The following FAM149B1 variants were observed in gnomAD, a reference collection of about 807,000 sequenced individuals.
The protein encoded by FAM149B1 is primary cilium assembly protein FAM149B1.
FAM149B1 carries 56 observed loss-of-function variants against 75.3 expected under a neutral mutation model. That is an observed-to-expected ratio of 0.74 (90% confidence interval 0.60 to 0.93). The LOEUF is 0.93. Ranked by LOEUF, FAM149B1 falls within the 40% of genes least tolerant of loss-of-function variation. FAM149B1 has a pLI of 0.00. For missense variants in FAM149B1, 639 were observed against 708.4 expected (o/e 0.90, Z 1.11); for synonymous variants, 259 against 256.1 (o/e 1.01, Z -0.11).
chr10:73,173,201 C>T (rs1843789675), intron 1 of FAM149B1, among the ~76,000 whole-genome samples: 2 of 151,956 alleles, frequency 1.3e-5, no homozygotes, highest in African/African-American at 4.8e-5. Flanking sequence ...AAAATAGTAC[C>T]AAGAATCCCA....
chr10:73,225,265 A>T (rs1052850881), intron 7 of FAM149B1, among the ~76,000 whole-genome samples: 1 of 152,236 alleles, frequency 6.6e-6, no homozygotes. Context: ...GAGGTATTCC[A>T]GAAGAAGGCA....
chr10:73,194,118 C>T (rs150152259), intron 5 of FAM149B1, among the ~76,000 whole-genome samples: 1 of 152,228 alleles, frequency 6.6e-6, no homozygotes, highest in East Asian at 1.9e-4. Flanking sequence ...GATCCAATTA[C>T]CCCTTAAAGG....
At chr10:73,172,769 C>T (rs183003451) in intron 1 of FAM149B1, among the ~76,000 whole-genome samples, 219 of 152,058 alleles carry the variant, frequency 1.4e-3, no homozygotes, top group Non-Finnish European at 2.7e-3. Context: ...ATATAAGCCA[C>T]ATATGTAATT....
chr10:73,213,985 A>G (rs563768662), intron 7 of FAM149B1, among the ~76,000 whole-genome samples: 27 of 152,238 alleles, frequency 1.8e-4, no homozygotes, highest in African/African-American at 6.3e-4. Flanking sequence ...TGTATCATCT[A>G]TGAATTCTTT....
chr10:73,192,985 T>C (rs1334317414), intron 4 of FAM149B1, among the ~76,000 whole-genome samples: 3 of 152,300 alleles, frequency 2.0e-5, no homozygotes, highest in East Asian at 3.9e-4. Flanking sequence ...TTGAACAAGA[T>C]GGTCAGAAAA....
rs59418464 is a variant in FAM149B1 at position 73,226,099 on chromosome 10, ATTT to A, written c.899-1945_899-1943del. 5.5e-3 allele frequency among the ~76,000 whole-genome samples: 791 copies of A among 143,186 alleles called. 5 individuals carry two copies. Among genetic ancestry groups the A allele is most frequent in the African/African-American group, 0.018 (689 of 38,868 alleles). 93.9% of individuals were successfully genotyped at this position (143,186 alleles called of 152,430 possible). Reference sequence around the variant, plus strand: ...AAGTCATGTGTATTTTACCACAATAATTTTTTTTTTTTTTTTTTAAGTAGCAGG... The same window carrying A: ...AAGTCATGTGTATTTTACCACAATAATTTTTTTTTTTTTTTAAGTAGCAGG... On this transcript the variant is annotated intron_variant, in intron 7 of 13. Coordinates refer to ENST00000242505, the MANE Select transcript of FAM149B1 (RefSeq NM_173348.2).
At chr10:73,221,516 T>A (rs1403133160) in intron 7 of FAM149B1, among the ~76,000 whole-genome samples, 1 of 152,192 alleles carries the variant, frequency 6.6e-6, no homozygotes, top group African/African-American at 2.4e-5. Context: ...TTTGTTGTCA[T>A]CCTTATCTTT....
chr10:73,178,975 G>T (rs2394933), intron 3 of FAM149B1, among the ~76,000 whole-genome samples: 23,196 of 150,456 alleles, frequency 0.15, 2,984 homozygotes, highest in African/African-American at 0.33. Context: ...CTTGTTTTTT[G>T]TTTTTTTTGG....
chr10:73,193,458 G>T lies in FAM149B1; in HGVS notation c.426-19G>T, dbSNP rs1197135617. ...CCAGTGAAGGTACTTAATTGTGTCT[G>T]TGTTTCTTCATTTTGAAGGATTCTA... On this transcript the variant is annotated intron_variant, in intron 4 of 13. Transcript: ENST00000242505. 2 of 1,542,930 alleles carry T rather than the reference G, an allele frequency of 1.3e-6. No homozygotes were observed. Among genetic ancestry groups the T allele is most frequent in the African/African-American group, 2.8e-5 (2 of 72,632 alleles).
chr10:73,214,671 A>C (rs2043257856), intron 7 of FAM149B1, among the ~76,000 whole-genome samples: 1 of 152,152 alleles, frequency 6.6e-6, no homozygotes, highest in African/African-American at 2.4e-5. Context: ...ATGTTGTATT[A>C]TCTTTTTGAT....
chr10:73,182,546 A>G (rs2042424095), intron 3 of FAM149B1, among the ~76,000 whole-genome samples: 1 of 152,198 alleles, frequency 6.6e-6, no homozygotes, highest in African/African-American at 2.4e-5. Context: ...AAAGCAACAC[A>G]GCTTCTGGCT....
In FAM149B1 at chr10:73,234,943, A is replaced by G; in HGVS notation, c.1476+3A>G. On this transcript the variant is annotated splice_donor_region_variant and intron_variant, in intron 11 of 13. Transcript: ENST00000242505. The stretch of plus-strand genomic sequence containing the variant: ...CTGTGGGGCCACAAAGACAGATGGT[A>G]TGTTTCTTTCATATTGCCTCTCCAT... 1 of 1,551,886 alleles carries G rather than the reference A, an allele frequency of 6.4e-7. No homozygotes were observed. The highest frequency in any genetic ancestry group is 1.2e-5 in the South Asian group (1 of 84,046).
rs895521919 is a variant in FAM149B1 at position 73,242,310 on chromosome 10, A to C, written c.*1291A>C. On this transcript the variant is annotated 3_prime_UTR_variant, in exon 14 of 14. Coordinates refer to ENST00000242505, the MANE Select transcript of FAM149B1 (RefSeq NM_173348.2). ...TCCCTTAAAAATTCCATATATTCTCATACCAACTCATCTACATAGAAATGA... is the reference window on the plus strand; with the variant it reads ...TCCCTTAAAAATTCCATATATTCTCCTACCAACTCATCTACATAGAAATGA... 6.6e-6 allele frequency: 1 copy of C among 152,198 alleles called. No individual in the cohort carries two copies. The highest frequency in any genetic ancestry group is 2.4e-5 in the African/African-American group (1 of 41,448). The allele number at this position is 152,198 out of a possible 1,614,324, so 9.4% of individuals were successfully genotyped here. A position where few individuals can be genotyped will look rare whatever the true frequency, so the allele number is the denominator to read the frequency against.
At chr10:73,230,264 TG>T in intron 8 of FAM149B1, 157 bp from the exon 9 acceptor site, 1 of 550,544 alleles carries the variant, frequency 1.8e-6, no homozygotes, top group East Asian at 3.1e-5. Flanking sequence ...ACAGTTGACT[TG>T]GGGCCCCAGC....
chr10:73,221,249 T>G (rs2133384420), intron 7 of FAM149B1, among the ~76,000 whole-genome samples: 1 of 152,340 alleles, frequency 6.6e-6, no homozygotes, highest in South Asian at 2.1e-4. Flanking sequence ...TTAAAATGGT[T>G]AAAATGATGA....
In FAM149B1 at chr10:73,243,376, G is replaced by C; in HGVS notation, c.*2357G>C. ...TACGATGGCATCAATTTACACCTAAGGACCTTTGAAGAGAAAAATTCCATT... is the reference window on the plus strand; with the variant it reads ...TACGATGGCATCAATTTACACCTAACGACCTTTGAAGAGAAAAATTCCATT... On this transcript the variant is annotated 3_prime_UTR_variant, in exon 14 of 14. Coordinates refer to ENST00000242505, the MANE Select transcript of FAM149B1 (RefSeq NM_173348.2). 19 of 1,611,828 alleles carry C rather than the reference G, an allele frequency of 1.2e-5. No homozygotes were observed. The highest frequency in any genetic ancestry group is 1.6e-5 in the Non-Finnish European group (19 of 1,179,660).
chr10:73,182,219 T>C (rs2133313587), intron 3 of FAM149B1, among the ~76,000 whole-genome samples: 1 of 150,684 alleles, frequency 6.6e-6, no homozygotes, highest in South Asian at 2.1e-4. Flanking sequence ...GTCTTTTTTT[T>C]TTTTTTTTTT....
At position 73,242,213 on chromosome 10, in the gene FAM149B1, T is replaced by C. The variant is rs1175976754; in HGVS notation, c.*1194T>C. ...GTCACAAACCGAAAACGTGTCGTCT[T>C]TACCTTAGAGCTAAAGGCTTACTTT... On this transcript the variant is annotated 3_prime_UTR_variant, in exon 14 of 14. Coordinates refer to ENST00000242505, the MANE Select transcript of FAM149B1 (RefSeq NM_173348.2). 3 of 152,212 alleles carry C rather than the reference T, an allele frequency of 2.0e-5. No homozygotes were observed. The highest frequency in any genetic ancestry group is 4.4e-5 in the Non-Finnish European group (3 of 68,034). The allele number at this position is 152,212 out of a possible 1,614,324, so 9.4% of individuals were successfully genotyped here.
intron 5 of FAM149B1, among the ~76,000 whole-genome samples, chr10:73,203,575 A>G (rs2133356340): frequency 6.6e-6 from 1 of 152,294 alleles, no homozygotes; most frequent in Non-Finnish European, 1.5e-5. Context: ...CTCATCCCCA[A>G]ATCCTCTATT....
Sources: allele counts gnomAD v4.1 joint callset (sites outside exome capture counted in the v4.1 genomes callset), GRCh38; gene constraint gnomAD v4.1.1; transcripts MANE v1.5; gene names NCBI Gene and HGNC (gene_info 2026-07-23, HGNC 2026-07-21).